MAGI2: variants seen among roughly 807,000 people sequenced by gnomAD.
MAGI2 encodes the protein membrane-associated guanylate kinase, WW and PDZ domain-containing protein 2.
A neutral mutation model predicts 133.3 loss-of-function variants in MAGI2; 35 were observed. That is an observed-to-expected ratio of 0.26 (90% CI 0.20 to 0.35). The LOEUF is 0.35. MAGI2 is among the 10% of genes least tolerant of loss of function. The pLI is 1.00. For missense variants in MAGI2, 1,636 were observed against 1,863.4 expected (o/e 0.88, Z 2.25); for synonymous variants, 729 against 710.6 (o/e 1.03, Z -0.41).
intron 1 of MAGI2, among the ~76,000 whole-genome samples, chr7:79,387,794 T>C (rs1844297748): frequency 6.6e-6 from 1 of 152,018 alleles, no homozygotes; most frequent in Non-Finnish European, 1.5e-5. Flanking sequence ...CTTCCTTCTT[T>C]ATTTCTTCTT....
chr7:79,098,645 T>C (rs762223050), intron 1 of MAGI2, among the ~76,000 whole-genome samples: 7 of 152,236 alleles, frequency 4.6e-5, no homozygotes, highest in Non-Finnish European at 8.8e-5. Flanking sequence ...TCTAAATCTT[T>C]GCAATTAATT....
At chr7:78,760,420 T>C (rs1008125812) in intron 2 of MAGI2, among the ~76,000 whole-genome samples, 12 of 145,008 alleles carry the variant, frequency 8.3e-5, no homozygotes, top group Non-Finnish European at 1.6e-4. Context: ...TGGAGTGCAA[T>C]GGTGTGATCC....
At chr7:79,087,298 C>T (rs898653905) in intron 1 of MAGI2, among the ~76,000 whole-genome samples, 1 of 151,796 alleles carries the variant, frequency 6.6e-6, no homozygotes, top group Non-Finnish European at 1.5e-5. Context: ...TGGAAGGTTG[C>T]TTTCCTTCTG....
At chr7:78,220,497 CAT>C (rs533840972) in intron 10 of MAGI2, among the ~76,000 whole-genome samples, 2 of 152,154 alleles carry the variant, frequency 1.3e-5, no homozygotes, top group Non-Finnish European at 2.9e-5. Flanking sequence ...ACCAAAGTGA[CAT>C]GTATGTAAAG....
rs779610875 is a variant in MAGI2, at chr7:78,209,595, TTCCA to T, written c.2048-8406_2048-8403del. On this transcript the variant is annotated intron_variant, in intron 10 of 21. Coordinates refer to ENST00000354212, the MANE Select transcript of MAGI2 (RefSeq NM_012301.4). The stretch of plus-strand genomic sequence containing the variant: ...TTCTTAACACTTTCCTTTCCTTTCC[TTCCA>T]TACCACCAAATTTCCGTCTTTTCTG... Among the ~76,000 whole-genome samples the T allele has an allele frequency of 8.5e-5, 13 of 152,164 alleles. No individual in the cohort carries two copies. In the South Asian group the frequency reaches 1.5e-3, roughly 17 times the overall value.
chr7:78,337,442 G>A (rs1189816074), intron 9 of MAGI2, among the ~76,000 whole-genome samples: 1 of 152,128 alleles, frequency 6.6e-6, no homozygotes, highest in East Asian at 1.9e-4. Context: ...CTCTACCCTT[G>A]TTTCTCTTGT....
intron 2 of MAGI2, among the ~76,000 whole-genome samples, chr7:78,663,634 T>C (rs1272655228): frequency 2.6e-5 from 4 of 152,224 alleles, no homozygotes; most frequent in Non-Finnish European, 5.9e-5. Flanking sequence ...GTTTCTTTGT[T>C]AAATAGGTAG....
chr7:79,369,124 T>C (rs1004640801), intron 1 of MAGI2, among the ~76,000 whole-genome samples: 32 of 152,328 alleles, frequency 2.1e-4, no homozygotes, highest in African/African-American at 7.5e-4. Context: ...GCATCTCTCC[T>C]GTAAAGTGTA....
intron 1 of MAGI2, among the ~76,000 whole-genome samples, chr7:79,245,414 C>A (rs907492560): frequency 5.9e-5 from 9 of 152,052 alleles, no homozygotes; most frequent in African/African-American, 2.2e-4. Context: ...CTGAAGGGGG[C>A]GTTCTAGGCC....
intron 20 of MAGI2, among the ~76,000 whole-genome samples, chr7:78,083,058 C>T (rs777938403): frequency 5.3e-5 from 8 of 151,934 alleles, no homozygotes; most frequent in Non-Finnish European, 1.0e-4. Flanking sequence ...TCCTACTTTC[C>T]GACCTCATCT....
intron 2 of MAGI2, among the ~76,000 whole-genome samples, chr7:78,838,752 T>C (rs1441718489): frequency 6.6e-6 from 1 of 151,966 alleles, no homozygotes. Flanking sequence ...CAGAAAGACA[T>C]ACAGAGTCAC....
chr7:79,343,922 A>T (rs550252148), intron 1 of MAGI2, among the ~76,000 whole-genome samples: 54 of 152,298 alleles, frequency 3.5e-4, no homozygotes, highest in African/African-American at 1.1e-3. Context: ...GTCATGCCCG[A>T]TTAACTTTAC....
intron 2 of MAGI2, among the ~76,000 whole-genome samples, chr7:78,830,403 CATT>C (rs1791039785): frequency 1.3e-5 from 2 of 152,060 alleles, no homozygotes; most frequent in African/African-American, 4.8e-5. Flanking sequence ...AGTCATGATT[CATT>C]ATGTAATATA....
chr7:78,940,512 G>A (rs1210351092), intron 2 of MAGI2: 1 of 152,108 alleles, frequency 6.6e-6, no homozygotes, highest in Non-Finnish European at 1.5e-5. Flanking sequence ...TACAAGCTGA[G>A]TAAACCTAGC....
chr7:78,058,230 G>C (rs1002643117), intron 21 of MAGI2, among the ~76,000 whole-genome samples: 11 of 151,816 alleles, frequency 7.2e-5, no homozygotes, highest in African/African-American at 2.7e-4. Context: ...GGGGTTATGA[G>C]GGAAAGTAGC....
At chr7:78,963,556 T>C (rs542921575) in intron 2 of MAGI2, among the ~76,000 whole-genome samples, 1 of 152,106 alleles carries the variant, frequency 6.6e-6, no homozygotes, top group African/African-American at 2.4e-5. Context: ...TCTAACAACA[T>C]GTAAACTGGG....
intron 1 of MAGI2, among the ~76,000 whole-genome samples, chr7:79,032,289 G>A (rs1810667331): frequency 6.6e-6 from 1 of 152,076 alleles, no homozygotes; most frequent in African/African-American, 2.4e-5. Context: ...GGCCAAGGCG[G>A]GCAGATCATT....
intron 3 of MAGI2, among the ~76,000 whole-genome samples, chr7:78,557,048 G>GCCA (rs1799891474): frequency 1.6e-5 from 2 of 127,622 alleles, no homozygotes; most frequent in Non-Finnish European, 3.1e-5. Context: ...CTGAGATAGT[G>GCCA]CCACTATACT....
At chr7:79,141,688 T>C (rs1173066092) in intron 1 of MAGI2, among the ~76,000 whole-genome samples, 1 of 152,122 alleles carries the variant, frequency 6.6e-6, no homozygotes, top group Non-Finnish European at 1.5e-5. Flanking sequence ...CCAGACTTTC[T>C]AGCTTCTTGG....
Sources: gnomAD v4.1 joint callset for allele counts (sites outside exome capture counted in the v4.1 genomes callset) on GRCh38, gnomAD v4.1.1 for gene constraint, MANE v1.5 for transcripts, NCBI Gene and HGNC (gene_info 2026-07-23, HGNC 2026-07-21) for gene names.